The following AKAP6 variants were observed in gnomAD, a reference collection of about 807,000 sequenced individuals.
The protein encoded by AKAP6 is A-kinase anchor protein 6.
A neutral mutation model predicts 188.5 loss-of-function variants in AKAP6; 58 were observed. The ratio of observed to expected loss-of-function variants is 0.31; its 90% CI spans 0.25 to 0.38. AKAP6 has a LOEUF of 0.38. AKAP6 is among the 10% of genes least tolerant of loss of function. The pLI is 1.00. For missense variants in AKAP6, 2,710 were observed against 2,740.0 expected, an observed-to-expected ratio of 0.99 and a Z score of 0.24; for synonymous variants, 989 against 998.6, an observed-to-expected ratio of 0.99 and a Z score of 0.18.
intron 4 of AKAP6, among the ~76,000 whole-genome samples, chr14:32,565,620 C>G (rs1219259912): frequency 1.3e-5 from 2 of 152,214 alleles, no homozygotes; most frequent in African/African-American, 4.8e-5. Flanking sequence ...CAGAGTGAGT[C>G]TTCTAAGAAG....
chr14:32,787,453 G>A (rs915359417), intron 12 of AKAP6, among the ~76,000 whole-genome samples: 5 of 152,020 alleles, frequency 3.3e-5, no homozygotes, highest in African/African-American at 4.8e-5. Flanking sequence ...TGAACACAGT[G>A]ACACGTTATT....
In AKAP6 at chr14:32,834,885, G is replaced by A. The variant is rs11623122; in HGVS notation, c.*5080G>A. 58,505 of 152,094 alleles carry A rather than the reference G, an allele frequency of 0.38. 12,490 individuals carry two copies. Among genetic ancestry groups the A allele is most frequent in the Non-Finnish European group, 0.48 (32,820 of 67,994 alleles). The allele number at this position is 152,094 out of a possible 1,614,324, so 9.4% of individuals were successfully genotyped here. ...GTGGCACGTGGGCCAAATTCAGCTCGTTGCCTGTTCTGGTTTGACCCATTT... is the reference window on the plus strand; with the variant it reads ...GTGGCACGTGGGCCAAATTCAGCTCATTGCCTGTTCTGGTTTGACCCATTT... On this transcript the variant is annotated 3_prime_UTR_variant, in exon 14 of 14. Transcript: ENST00000280979.
At chr14:32,696,794 TAA>T (rs202150922) in intron 9 of AKAP6, among the ~76,000 whole-genome samples, 10 of 137,678 alleles carry the variant, frequency 7.3e-5, no homozygotes, top group East Asian at 2.1e-4. Flanking sequence ...TGATTTTGCC[TAA>T]AAAAAAAAAA....
At position 32,457,694 on chromosome 14, in the gene AKAP6, C is replaced by T. The variant is rs775640209; in HGVS notation, c.324+23877C>T. ...CAGGCGCCTGGTGAAGCTACACAGA[C>T]GGTGCCTGGTCTCCAGACCACATGC... On this transcript the variant is annotated intron_variant, in intron 2 of 13. Coordinates refer to ENST00000280979, the MANE Select transcript of AKAP6 (RefSeq NM_004274.5). 5.9e-5 allele frequency among the ~76,000 whole-genome samples: 9 copies of T among 152,136 alleles called. No individual in the cohort carries two copies. In the South Asian group the frequency reaches 6.2e-4, roughly 10 times the overall value.
intron 8 of AKAP6, among the ~76,000 whole-genome samples, chr14:32,692,302 A>T (rs1022299241): frequency 2.0e-5 from 3 of 152,204 alleles, no homozygotes; most frequent in African/African-American, 7.2e-5. Flanking sequence ...CATGCTAAAA[A>T]GCCAGTGAAA....
In AKAP6 at chr14:32,433,761, T is replaced by G. The variant is rs776744965; in HGVS notation, c.268T>G (p.Ser90Ala). ...AGAGAGGGTCCGAGACCTAACCTAT[T>G]CAGTCCAGCAGGATTCGGACAGCAA... ...TSERVRDLTY[S>A]VQQDSDSKHV... Residue 90 changes from serine (S) to alanine (A), a missense_variant, in exon 2 of 14, where the codon TCA becomes GCA. Physicochemically the swap from Ser to Ala is moderately conservative, Grantham distance 99 (BLOSUM62 1). This residue lies in a region of AKAP6 where 237 missense variants were observed against 313.9 expected (regional missense o/e 0.76). Transcript: ENST00000280979. 1 of 1,614,168 alleles carries G rather than the reference T, an allele frequency of 6.2e-7. No homozygotes were observed. The highest frequency in any genetic ancestry group is 8.5e-7 in the Non-Finnish European group (1 of 1,180,030).
At chr14:32,778,539 G>GT (rs1009062064) in intron 12 of AKAP6, among the ~76,000 whole-genome samples, 7 of 151,490 alleles carry the variant, frequency 4.6e-5, no homozygotes, top group East Asian at 3.9e-4. Context: ...ATGGTTTTGG[G>GT]TTTTTTTTAT....
intron 9 of AKAP6, among the ~76,000 whole-genome samples, chr14:32,710,679 C>T (rs2474641): frequency 0.46 from 70,153 of 151,862 alleles, 17,248 homozygotes; most frequent in Admixed American, 0.56. Flanking sequence ...TCCTCCAGAT[C>T]ATTGAAACAT....
intron 7 of AKAP6, among the ~76,000 whole-genome samples, chr14:32,658,310 A>G (rs1594819269): frequency 6.6e-6 from 1 of 152,146 alleles, no homozygotes; most frequent in African/African-American, 2.4e-5. Context: ...TGTTGGCTCT[A>G]TAATTTCTAA....
intron 9 of AKAP6, among the ~76,000 whole-genome samples, chr14:32,722,783 A>G (rs549940958): frequency 6.6e-6 from 1 of 152,206 alleles, no homozygotes; most frequent in East Asian, 1.9e-4. Context: ...AATCTTCCAC[A>G]TACATCACCT....
intron 2 of AKAP6, among the ~76,000 whole-genome samples, chr14:32,494,078 G>T (rs778019714): frequency 6.6e-6 from 1 of 152,290 alleles, no homozygotes; most frequent in Middle Eastern, 3.4e-3. Flanking sequence ...TCTTTTGGGA[G>T]ACCATGGCTA....
intron 3 of AKAP6, among the ~76,000 whole-genome samples, chr14:32,536,957 T>C (rs1033077463): frequency 6.6e-6 from 1 of 152,208 alleles, no homozygotes; most frequent in Non-Finnish European, 1.5e-5. Flanking sequence ...ACTATTAGTT[T>C]GTGGAAAACA....
intron 1 of AKAP6, among the ~76,000 whole-genome samples, chr14:32,411,595 C>G (rs964816673): frequency 3.3e-5 from 5 of 152,052 alleles, no homozygotes; most frequent in African/African-American, 1.2e-4. Context: ...GGTTTAGGCC[C>G]ACTTTCACCC....
chr14:32,728,993 A>G (rs2031032491), intron 9 of AKAP6, among the ~76,000 whole-genome samples: 1 of 152,168 alleles, frequency 6.6e-6, no homozygotes, highest in Non-Finnish European at 1.5e-5. Context: ...GTAGAGTCTT[A>G]TAGCATTAGC....
intron 3 of AKAP6, among the ~76,000 whole-genome samples, chr14:32,542,062 T>G (rs1882979769): frequency 6.6e-6 from 1 of 152,200 alleles, no homozygotes; most frequent in Non-Finnish European, 1.5e-5. Context: ...CTTACATATA[T>G]TACATATCTT....
chr14:32,776,404 T>G (rs1051624625), intron 12 of AKAP6, among the ~76,000 whole-genome samples: 1 of 152,196 alleles, frequency 6.6e-6, no homozygotes, highest in African/African-American at 2.4e-5. Flanking sequence ...TGCTGCCATG[T>G]AAGATGTGCC....
At chr14:32,799,785 C>T (rs1566720346) in intron 12 of AKAP6, among the ~76,000 whole-genome samples, 2 of 151,930 alleles carry the variant, frequency 1.3e-5, no homozygotes, top group Non-Finnish European at 2.9e-5. Context: ...TTGTATTCTT[C>T]TGTTGTTGGA....
chr14:32,331,464 CG>C (rs1166267331), intron 1 of AKAP6, among the ~76,000 whole-genome samples: 1 of 151,962 alleles, frequency 6.6e-6, no homozygotes, highest in African/African-American at 2.4e-5. Context: ...TTTTTCCCCC[CG>C]CAAATGTTCA....
intron 9 of AKAP6, among the ~76,000 whole-genome samples, chr14:32,731,713 C>A (rs2031184806): frequency 6.6e-6 from 1 of 151,936 alleles, no homozygotes; most frequent in African/African-American, 2.4e-5. Flanking sequence ...ATGGAGTTAT[C>A]CAAATAGAGT....
Sources: allele counts gnomAD v4.1 joint callset (sites outside exome capture counted in the v4.1 genomes callset), GRCh38; gene constraint gnomAD v4.1.1; regional missense constraint gnomAD v4.1.1; transcripts MANE v1.5; gene names NCBI Gene and HGNC (gene_info 2026-07-23, HGNC 2026-07-21).